The following ZC3H12C variants were observed in gnomAD, a reference collection of about 807,000 sequenced individuals.
The protein encoded by ZC3H12C is probable ribonuclease ZC3H12C.
ZC3H12C carries 20 observed loss-of-function variants against 76.3 expected under a neutral mutation model. That is an observed-to-expected ratio of 0.26 (90% CI 0.18 to 0.38). The LOEUF (loss-of-function observed/expected upper bound fraction) is 0.38, where lower values mean the gene tolerates loss of function less well. ZC3H12C is among the 10% of genes least tolerant of loss of function. The probability of loss-of-function intolerance (pLI) is 1.00; values close to 1 mark genes in which losing one functional copy is unlikely to be tolerated. For missense variants in ZC3H12C, 874 were observed against 1,086.5 expected, an observed-to-expected ratio of 0.80 and a Z score of 2.75; for synonymous variants, 352 against 399.6, an observed-to-expected ratio of 0.88 and a Z score of 1.42.
At position 110,165,083 on chromosome 11, in the gene ZC3H12C, C is replaced by T. The variant is rs371245932; in HGVS notation, c.1998C>T (p.His666=). ...LEENLKCQHM[H]PHSRLNPQPF... ...AGAATTTGAAGTGTCAACACATGCA[C>T]CCTCACAGCCGCCTTAATCCTCAAC... The change falls in exon 6 of 6, where the codon CAC becomes CAT. Residue 666 remains histidine (H), a synonymous_variant. Transcript: ENST00000278590. 5 of 1,613,590 alleles carry T rather than the reference C, an allele frequency of 3.1e-6. No individual in the cohort carries two copies. Among genetic ancestry groups the T allele is most frequent in the Non-Finnish European group, 3.4e-6 (4 of 1,179,906 alleles).
At chr11:110,144,107 G>C (rs574667328) in intron 2 of ZC3H12C, among the ~76,000 whole-genome samples, 4 of 152,152 alleles carry the variant, frequency 2.6e-5, no homozygotes, top group Non-Finnish European at 5.9e-5. Flanking sequence ...CTTTTGTTTG[G>C]TTTCTTTTTA....
intron 1 of ZC3H12C, among the ~76,000 whole-genome samples, chr11:110,109,717 T>C (rs1399287373): frequency 6.6e-6 from 1 of 152,208 alleles, no homozygotes; most frequent in East Asian, 1.9e-4. Context: ...ATTTACAACA[T>C]AAATTTTTCT....
In ZC3H12C at chr11:110,170,583, C is replaced by G. The variant is rs540114044; in HGVS notation, c.*4846C>G. The G allele has an allele frequency of 6.6e-5, 10 of 152,264 alleles. No homozygotes were observed. The highest frequency in any genetic ancestry group is 2.4e-4 in the African/African-American group (10 of 41,560). The allele number at this position is 152,264 out of a possible 1,614,324, so 9.4% of individuals were successfully genotyped here. On this transcript the variant is annotated 3_prime_UTR_variant, in exon 6 of 6. Coordinates refer to ENST00000278590, the MANE Select transcript of ZC3H12C (RefSeq NM_033390.2). The stretch of plus-strand genomic sequence containing the variant: ...TCTTTATGAGAAATAAAATGTATCT[C>G]TGCTTTGTCTGTCCAGATCTTTAGG...
intron 1 of ZC3H12C, chr11:110,136,185 G>A (rs1861955645): frequency 6.6e-6 from 1 of 152,664 alleles, no homozygotes; most frequent in East Asian, 1.9e-4. Context: ...TTCTTTCTAT[G>A]TGGCTTTCTT....
rs1862628247 is a variant in ZC3H12C at position 110,169,004 on chromosome 11, TAAC to T, written c.*3268_*3270del. The T allele has an allele frequency of 6.6e-6, 1 of 152,172 alleles. No individual in the cohort carries two copies. Among genetic ancestry groups the T allele is most frequent in the African/African-American group, 2.4e-5 (1 of 41,450 alleles). 9.4% of individuals were successfully genotyped at this position (152,172 alleles called of 1,614,324 possible). On this transcript the variant is annotated 3_prime_UTR_variant, in exon 6 of 6. Transcript: ENST00000278590. ...GGTTGGGGGGAGTGCTTCTGATGGCTAACTTTTCTCTAATTAAACTATGTTTCT... is the reference window on the plus strand; with the variant it reads ...GGTTGGGGGGAGTGCTTCTGATGGCTTTTTCTCTAATTAAACTATGTTTCT...
At chr11:110,147,298 C>G (rs973086892) in intron 2 of ZC3H12C, among the ~76,000 whole-genome samples, 2 of 152,134 alleles carry the variant, frequency 1.3e-5, no homozygotes, top group Admixed American at 1.3e-4. Context: ...TCTGATGTAC[C>G]TGGCAGTCCT....
chr11:110,151,150 C>T (rs1182275207), intron 2 of ZC3H12C, among the ~76,000 whole-genome samples: 1 of 152,084 alleles, frequency 6.6e-6, no homozygotes, highest in Non-Finnish European at 1.5e-5. Flanking sequence ...GTACAGTATC[C>T]TGTTTTATCA....
intron 1 of ZC3H12C, 55 bp downstream of exon 1, chr11:110,093,487 G>A: frequency 8.5e-7 from 1 of 1,179,568 alleles, no homozygotes; most frequent in Non-Finnish European, 1.1e-6. Context: ...GTGGTCCTGG[G>A]GTAGCCGGTC....
chr11:110,094,152 A>G (rs1861069339), intron 1 of ZC3H12C, among the ~76,000 whole-genome samples: 1 of 152,188 alleles, frequency 6.6e-6, no homozygotes, highest in Admixed American at 6.5e-5. Context: ...CAGCCCTAAC[A>G]TCCAAGTACT....
chr11:110,141,216 A>C (rs887959705), intron 2 of ZC3H12C, among the ~76,000 whole-genome samples: 1 of 152,202 alleles, frequency 6.6e-6, no homozygotes, highest in African/African-American at 2.4e-5. Flanking sequence ...GTTTGAACAG[A>C]AATCAGATAT....
intron 3 of ZC3H12C, among the ~76,000 whole-genome samples, chr11:110,157,244 A>G (rs1406071312): frequency 1.3e-5 from 2 of 151,890 alleles, no homozygotes; most frequent in Non-Finnish European, 2.9e-5. Context: ...TGAAGAGCAC[A>G]GTGTTTACTG....
intron 1 of ZC3H12C, among the ~76,000 whole-genome samples, chr11:110,115,923 C>T (rs1861520331): frequency 6.6e-6 from 1 of 151,716 alleles, no homozygotes; most frequent in Non-Finnish European, 1.5e-5. Flanking sequence ...CAATGCTCAG[C>T]TAATTTTTGT....
At chr11:110,124,081 G>A (rs1340104951) in intron 1 of ZC3H12C, 1 of 152,188 alleles carries the variant, frequency 6.6e-6, no homozygotes, top group Non-Finnish European at 1.5e-5. Context: ...TCCTCAAGTG[G>A]GGAGGCAGAA....
intron 1 of ZC3H12C, chr11:110,124,185 C>T (rs575406663): frequency 6.6e-6 from 1 of 152,316 alleles, no homozygotes; most frequent in South Asian, 2.1e-4. Context: ...GAGTCTTGAG[C>T]TTCTTTGAAT....
At position 110,168,162 on chromosome 11, in the gene ZC3H12C, T is replaced by C. The variant is rs1195876362; in HGVS notation, c.*2425T>C. 1.3e-5 allele frequency: 2 copies of C among 152,178 alleles called. No individual in the cohort carries two copies. Among genetic ancestry groups the C allele is most frequent in the Non-Finnish European group, 2.9e-5 (2 of 68,016 alleles). The allele number at this position is 152,178 out of a possible 1,614,324, so 9.4% of individuals were successfully genotyped here. A position where few individuals can be genotyped will look rare whatever the true frequency, so the allele number is the denominator to read the frequency against. The stretch of plus-strand genomic sequence containing the variant: ...CCTTCTTGTGTTATTAGCTGACTAT[T>C]TGTCATTGCCTCATGGATTTTAAAT... On this transcript the variant is annotated 3_prime_UTR_variant, in exon 6 of 6. Transcript: ENST00000278590.
intron 1 of ZC3H12C, among the ~76,000 whole-genome samples, chr11:110,117,697 ATATATAT>A (rs912957208): frequency 2.6e-5 from 3 of 117,066 alleles, no homozygotes; most frequent in East Asian, 2.6e-4. Flanking sequence ...ACACACACAC[ATATATAT>A]TATATATATA....
intron 3 of ZC3H12C, among the ~76,000 whole-genome samples, chr11:110,156,711 T>C (rs560640834): frequency 3.6e-4 from 55 of 152,330 alleles, no homozygotes; most frequent in African/African-American, 1.3e-3. Context: ...CAGACAGTCA[T>C]TGAACATCTA....
chr11:110,130,923 C>T, intron 1 of ZC3H12C: 1 of 1,104,400 alleles, frequency 9.1e-7, no homozygotes, highest in Non-Finnish European at 1.3e-6. Context: ...TAATTGTGAG[C>T]TTTCTGGCCT....
At position 110,165,295 on chromosome 11, in the gene ZC3H12C, C is replaced by T. The variant is rs1309785439; in HGVS notation, c.2210C>T (p.Pro737Leu). Residue 737 changes from proline to leucine, a missense_variant, in exon 6 of 6, where the codon CCA (proline) becomes CTA (leucine). Around this residue, in one of 3 missense-constraint regions of ZC3H12C, gnomAD observed 395 missense variants for 434.4 expected, o/e 0.91. Coordinates refer to ENST00000278590, the MANE Select transcript of ZC3H12C (RefSeq NM_033390.2). ...CCAAGTTCAGCACACTCTAAGGCACCACACCTAGGGAGGTCCTTGGTGGCC... is the reference window on the plus strand; with the variant it reads ...CCAAGTTCAGCACACTCTAAGGCACTACACCTAGGGAGGTCCTTGGTGGCC... ...SPPSSAHSKA[P>L]HLGRSLVATR... 1.2e-6 allele frequency: 2 copies of T among 1,613,888 alleles called. No homozygotes were observed. Among genetic ancestry groups the T allele is most frequent in the Admixed American group, 3.3e-5 (2 of 60,012 alleles).
Sources: allele counts gnomAD v4.1 joint callset (sites outside exome capture counted in the v4.1 genomes callset), GRCh38; gene constraint gnomAD v4.1.1; regional missense constraint gnomAD v4.1.1; transcripts MANE v1.5; gene names NCBI Gene and HGNC (gene_info 2026-07-23, HGNC 2026-07-21).